The following RNF17 variants were observed in gnomAD, a reference collection of about 807,000 sequenced individuals.
RNF17 encodes ring finger protein 17, also known as spermatogenesis associated 23.
In RNF17, 31 loss-of-function variants were observed where a neutral mutation model predicts 200.5. The ratio of observed to expected loss-of-function variants is 0.15; its 90% CI spans 0.12 to 0.21. The LOEUF is 0.21. Among genes scored for constraint, RNF17 ranks in the 10% least tolerant of loss-of-function variants. RNF17 has a pLI of 1.00. For synonymous variants in RNF17, 606 were observed against 637.8 expected (o/e 0.95, Z 0.75); for missense variants, 1,628 against 1,905.1 (o/e 0.85, Z 2.71).
At chr13:24,831,706 T>G in intron 17 of RNF17, 152 bp from the exon 18 acceptor site, 2 of 668,318 alleles carry the variant, frequency 3.0e-6, no homozygotes, top group South Asian at 4.1e-5. Flanking sequence ...ATAAAGTACT[T>G]TTACAGACAC....
chr13:24,867,782 A>C (rs1165009653), intron 30 of RNF17, among the ~76,000 whole-genome samples: 1 of 152,206 alleles, frequency 6.6e-6, no homozygotes, highest in African/African-American at 2.4e-5. Flanking sequence ...GAATCATGTA[A>C]CTGTAGTATT....
In RNF17 at chr13:24,793,109, T is replaced by C. The variant is rs1884085886; in HGVS notation, c.1003T>C (p.Ser335Pro). 6.2e-7 allele frequency: 1 copy of C among 1,605,720 alleles called. No individual in the cohort carries two copies. Among genetic ancestry groups the C allele is most frequent in the Non-Finnish European group, 8.5e-7 (1 of 1,177,448 alleles). Residue 335 changes from serine (S) to proline (P), a missense_variant, in exon 10 of 36, where the codon TCT (serine) becomes CCT (proline). Physicochemically the swap from Ser to Pro is moderately conservative, Grantham distance 74. Coordinates refer to ENST00000255324, the MANE Select transcript of RNF17 (RefSeq NM_031277.3). The part of the protein sequence containing the change: ...QKKYNNKKEL[S>P]CYDTYPPLEK... ...GAAATATAATAACAAAAAGGAACTTTCTTGTTACGATACATACCCACCGCT... is the reference window on the plus strand; with the variant it reads ...GAAATATAATAACAAAAAGGAACTTCCTTGTTACGATACATACCCACCGCT...
At chr13:24,837,693 C>T (rs778699670) in intron 18 of RNF17, among the ~76,000 whole-genome samples, 24 of 152,076 alleles carry the variant, frequency 1.6e-4, no homozygotes, top group Non-Finnish European at 3.1e-4. Flanking sequence ...ACTGCAAAGG[C>T]GGGTGCTAAG....
intron 35 of RNF17, 90 bp downstream of exon 35, chr13:24,879,385 G>C (rs753228253): frequency 3.6e-6 from 3 of 825,096 alleles, no homozygotes; most frequent in Non-Finnish European, 5.9e-6. Flanking sequence ...GATTTTCCTT[G>C]ATTTCTCAAA....
chr13:24,781,131 T>C (rs1882305609), intron 5 of RNF17, among the ~76,000 whole-genome samples: 1 of 151,754 alleles, frequency 6.6e-6, no homozygotes, highest in Admixed American at 6.6e-5. Context: ...CAACAATACT[T>C]AAAACTTCAA....
the RNF17 span, among the ~76,000 whole-genome samples, chr13:24,887,882 C>T: frequency 6.6e-6 from 1 of 152,082 alleles, no homozygotes; most frequent in African/African-American, 2.4e-5. Flanking sequence ...AGAGTTGCTG[C>T]AAGTCTTCTG....
At chr13:24,832,023 A>G (rs1306607496) in intron 18 of RNF17, 45 bp downstream of exon 18, 2 of 1,287,908 alleles carry the variant, frequency 1.6e-6, no homozygotes, top group East Asian at 2.6e-5. Flanking sequence ...ATAATTTTAA[A>G]TAATAATATG....
rs1444884864 is a variant in RNF17 at position 24,874,045 on chromosome 13, T to A, written c.4448-69T>A. The A allele has an allele frequency of 3.9e-6, 6 of 1,527,332 alleles. No individual in the cohort carries two copies. The African/African-American group carries it at 6.9e-5, about 18-fold the overall frequency. 94.6% of individuals were successfully genotyped at this position (1,527,332 alleles called of 1,614,324 possible). On this transcript the variant is annotated intron_variant, in intron 32 of 35. Transcript: ENST00000255324. ...GGGTACAAGTAGCCCTTTGATATGC[T>A]GATTTCCTTTGGATTAAAAAAATTT...
intron 15 of RNF17, among the ~76,000 whole-genome samples, chr13:24,809,357 TC>T (rs1259184247): frequency 5.9e-5 from 9 of 152,172 alleles, no homozygotes; most frequent in African/African-American, 2.2e-4. Context: ...TTCAACTTCT[TC>T]CTGGTTTAGT....
chr13:24,756,708 A>C, the RNF17 span, among the ~76,000 whole-genome samples: 35 of 152,100 alleles, frequency 2.3e-4, no homozygotes, highest in African/African-American at 8.2e-4. Context: ...CCTTTTATCA[A>C]CCAGATAAAA....
At chr13:24,883,151 G>C (rs372867684), downstream of RNF17, 1 of 1,594,712 alleles carries the variant, frequency 6.3e-7, no homozygotes, top group Admixed American at 1.7e-5. Flanking sequence ...GTCAGTTACT[G>C]TTACTTCATG....
intron 15 of RNF17, among the ~76,000 whole-genome samples, chr13:24,811,622 G>A (rs1217152813): frequency 6.6e-6 from 1 of 152,164 alleles, no homozygotes; most frequent in Non-Finnish European, 1.5e-5. Flanking sequence ...TTGATCGTCT[G>A]AAGCCTTCTT....
intron 2 of RNF17, 93 bp downstream of exon 2, chr13:24,767,459 T>A: frequency 1.1e-6 from 1 of 931,888 alleles, no homozygotes; most frequent in African/African-American, 1.7e-5. Context: ...AGTTAGAAAC[T>A]AAAAAGTTGG....
intron 25 of RNF17, among the ~76,000 whole-genome samples, chr13:24,857,312 T>C (rs906712914): frequency 4.7e-5 from 7 of 149,934 alleles, no homozygotes; most frequent in African/African-American, 1.7e-4. Flanking sequence ...GTCCCATTTT[T>C]TTTGTACACC....
In RNF17 at chr13:24,850,399, C is replaced by A. The variant is rs1345237454; in HGVS notation, c.3160C>A (p.Leu1054Met). ...AGCTTGTGACTGTCTTTCATTGTAC[C>A]TGACTGGAGCTGTAGCAACTATAAT... ...ATACDCLSLY[L>M]TGAVATIILQ... The change falls in exon 23 of 36, where the codon CTG becomes ATG. Residue 1054 changes from leucine to methionine, a missense_variant. By Grantham distance (15) the Leu-to-Met change is conservative (BLOSUM62 2). This residue lies in a region of RNF17 where 609 missense variants were observed against 681.9 expected (regional missense o/e 0.89). Coordinates refer to ENST00000255324, the MANE Select transcript of RNF17 (RefSeq NM_031277.3). 2 of 1,613,478 alleles carry A rather than the reference C, an allele frequency of 1.2e-6. No homozygotes were observed. Among genetic ancestry groups the A allele is most frequent in the East Asian group, 4.5e-5 (2 of 44,846 alleles).
rs1889283139 is a variant in RNF17 at position 24,830,642 on chromosome 13, A to G, written c.2361+43A>G. On this transcript the variant is annotated intron_variant, in intron 17 of 35. Transcript: ENST00000255324. ...AATTCTAGGGCTAGAATATCAGCAC[A>G]AATATGGAAGTATTTTTAGAAGCTA... 9 of 1,280,832 alleles carry G rather than the reference A, an allele frequency of 7.0e-6. No individual in the cohort carries two copies. In the East Asian group the frequency reaches 2.1e-4, roughly 30 times the overall value. 79.3% of individuals were successfully genotyped at this position (1,280,832 alleles called of 1,614,324 possible).
At chr13:24,848,565 G>A (rs1015054163) in intron 22 of RNF17, among the ~76,000 whole-genome samples, 5 of 152,126 alleles carry the variant, frequency 3.3e-5, no homozygotes, top group Middle Eastern at 3.2e-3. Context: ...GGGAGGCTGA[G>A]GTAGGGAGAA....
intron 10 of RNF17, chr13:24,794,387 T>G: frequency 3.0e-6 from 1 of 332,916 alleles, no homozygotes; most frequent in South Asian, 2.3e-5. Flanking sequence ...AAGTTTTAAT[T>G]CCGGGGCCAG....
At chr13:24,834,628 A>G (rs535032707) in intron 18 of RNF17, among the ~76,000 whole-genome samples, 2 of 152,146 alleles carry the variant, frequency 1.3e-5, no homozygotes, top group South Asian at 2.1e-4. Flanking sequence ...AGCTGAGTCA[A>G]TTTAGAGATC....
Sources: gnomAD v4.1 joint callset for allele counts (sites outside exome capture counted in the v4.1 genomes callset) on GRCh38, gnomAD v4.1.1 for gene constraint, gnomAD v4.1.1 regional missense constraint, MANE v1.5 for transcripts, NCBI Gene and HGNC (gene_info 2026-07-23, HGNC 2026-07-21) for gene names.